PRRC2C: variants seen among roughly 807,000 people sequenced by gnomAD.
The protein encoded by PRRC2C is proline rich coiled-coil 2C.
PRRC2C carries 72 observed loss-of-function variants against 317.2 expected under a neutral mutation model. The ratio of observed to expected loss-of-function variants is 0.23; its 90% CI spans 0.19 to 0.28. The LOEUF is 0.28. PRRC2C is among the 10% of genes least tolerant of loss of function. PRRC2C has a pLI of 1.00. For missense variants in PRRC2C, 3,074 were observed against 3,459.7 expected (o/e 0.89, Z 2.80); for synonymous variants, 1,296 against 1,205.9 (o/e 1.07, Z -1.55).
chr1:171,523,114 G>C (rs1286260911), intron 7 of PRRC2C, 107 bp from the exon 8 acceptor site: 23 of 1,000,648 alleles, frequency 2.3e-5, no homozygotes, highest in Non-Finnish European at 3.0e-5. Context: ...AGGTATCTTG[G>C]TGTAGAAAAC....
chr1:171,528,567 AG>A (rs1008456133), intron 11 of PRRC2C, among the ~76,000 whole-genome samples: 17 of 152,294 alleles, frequency 1.1e-4, no homozygotes, highest in Admixed American at 6.5e-4. Context: ...CTGGGATTAC[AG>A]GCGTGAGCCA....
intron 10 of PRRC2C, among the ~76,000 whole-genome samples, chr1:171,526,125 T>G (rs768652971): frequency 1.3e-5 from 2 of 152,236 alleles, no homozygotes; most frequent in Non-Finnish European, 2.9e-5. Context: ...TTGACTTTTT[T>G]GTGACAGTCA....
chr1:171,515,452 A>G (rs1477378638), intron 4 of PRRC2C, among the ~76,000 whole-genome samples: 3 of 152,240 alleles, frequency 2.0e-5, no homozygotes, highest in Non-Finnish European at 4.4e-5. Context: ...GTAAGGAGTC[A>G]TAATGAAAGA....
At chr1:171,520,135 G>T (rs1299334959) in intron 6 of PRRC2C, among the ~76,000 whole-genome samples, 2 of 152,064 alleles carry the variant, frequency 1.3e-5, no homozygotes, top group Non-Finnish European at 2.9e-5. Context: ...GCTAATTCTT[G>T]TATTTTTAGT....
At position 171,558,062 on chromosome 1, in the gene PRRC2C, C is replaced by G. The variant is rs1311785990; in HGVS notation, c.5950C>G (p.Gln1984Glu). 1.9e-6 allele frequency: 3 copies of G among 1,614,008 alleles called. No individual in the cohort carries two copies. Among genetic ancestry groups the G allele is most frequent in the Non-Finnish European group, 2.5e-6 (3 of 1,179,904 alleles). The change falls in exon 19 of 35, where the codon CAG (glutamine) becomes GAG (glutamate). Residue 1984 changes from glutamine to glutamate, a missense_variant. Physicochemically the swap from Gln to Glu is conservative, Grantham distance 29 (BLOSUM62 2). This residue lies in a region of PRRC2C where 640 missense variants were observed against 676.1 expected (regional missense o/e 0.95). Transcript: ENST00000647382. ...CTCAGGAAAATCCATCCAGACCCCA[C>G]AGTCACATGGCACTCTGACAGCTGA... The part of the protein sequence containing the change: ...VASGKSIQTP[Q>E]SHGTLTAELW...
intron 18 of PRRC2C, 22 bp downstream of exon 18, chr1:171,550,262 G>C: frequency 1.3e-6 from 2 of 1,536,156 alleles, no homozygotes; most frequent in Non-Finnish European, 1.8e-6. Context: ...GTTTCAACTT[G>C]TTGCTAGTTA....
intron 11 of PRRC2C, among the ~76,000 whole-genome samples, chr1:171,528,224 C>A (rs1675030700): frequency 6.6e-6 from 1 of 151,956 alleles, no homozygotes; most frequent in Non-Finnish European, 1.5e-5. Context: ...CTTTACATTA[C>A]TCCATCCCAC....
chr1:171,577,613 G>T lies in PRRC2C; in HGVS notation c.7135G>T (p.Val2379Phe). ...LIAQQQQNPQ[V>F]YVSQSAAAQI... Reference sequence around the variant, plus strand: ...TGCCCAGCAGCAACAGAATCCGCAAGTTTATGTGTCTCAGTCTGCAGCAGG... The same window carrying T: ...TGCCCAGCAGCAACAGAATCCGCAATTTTATGTGTCTCAGTCTGCAGCAGG... The change falls in exon 26 of 35, where the codon GTT becomes TTT. Residue 2379 changes from valine (V) to phenylalanine (F), a missense_variant. Around this residue, in one of 11 missense-constraint regions of PRRC2C, gnomAD observed 490 missense variants for 663.1 expected, o/e 0.74. Transcript: ENST00000647382. 1 of 1,613,442 alleles carries T rather than the reference G, an allele frequency of 6.2e-7. No individual in the cohort carries two copies.
At chr1:171,571,028 A>G (rs1684695004) in intron 23 of PRRC2C, among the ~76,000 whole-genome samples, 1 of 152,190 alleles carries the variant, frequency 6.6e-6, no homozygotes, top group Non-Finnish European at 1.5e-5. Context: ...TGTACATATT[A>G]AAATATGAGA....
At chr1:171,591,310 T>C in intron 34 of PRRC2C, 1 of 866,224 alleles carries the variant, frequency 1.2e-6, no homozygotes, top group East Asian at 4.6e-5. Context: ...GCAAGCAGGT[T>C]CCCTAAATAA....
rs1571768116 is a variant in PRRC2C, at chr1:171,523,347, T to C, written c.960T>C (p.Gly320=). ...FDNLDAEADE[G]WAGAQMEVDY... The stretch of plus-strand genomic sequence containing the variant: ...ACCTAGATGCTGAAGCTGATGAAGG[T>C]TGGGCAGGTAAGAGGCAAAATTAAT... The change falls in exon 8 of 35, where the codon GGT becomes GGC. Residue 320 remains glycine (G), a synonymous_variant. Coordinates refer to ENST00000647382, the MANE Select transcript of PRRC2C (RefSeq NM_001387844.1). 1 of 1,613,986 alleles carries C rather than the reference T, an allele frequency of 6.2e-7. No individual in the cohort carries two copies. Among genetic ancestry groups the C allele is most frequent in the Non-Finnish European group, 8.5e-7 (1 of 1,179,884 alleles).
chr1:171,504,672 T>A lies in PRRC2C; in HGVS notation c.-57-7360T>A, dbSNP rs190737918. Among the ~76,000 whole-genome samples, 10 of 152,304 alleles carry A rather than the reference T, an allele frequency of 6.6e-5. No individual in the cohort carries two copies. The South Asian group carries it at 1.5e-3, about 22-fold the overall frequency. ...CCACACTGTCTTCATTGCTGTGCCT[T>A]AAGTCTTGAAAGCAAGTAGTATTCA... On this transcript the variant is annotated intron_variant, in intron 1 of 34. Coordinates refer to ENST00000647382, the MANE Select transcript of PRRC2C (RefSeq NM_001387844.1).
In PRRC2C at chr1:171,577,540, G is replaced by A. The variant is rs1416178145; in HGVS notation, c.7062G>A (p.Leu2354=). ...VKPQQLQTSS[L]PSASHFSQLS... Reference sequence around the variant, plus strand: ...CTCAGCAGTTACAGACAAGCAGCCTGCCTTCTGCAAGTCATTTTTCACAGT... The same window carrying A: ...CTCAGCAGTTACAGACAAGCAGCCTACCTTCTGCAAGTCATTTTTCACAGT... Residue 2354 remains leucine (L), a synonymous_variant, in exon 26 of 35, where the codon CTG becomes CTA. Transcript: ENST00000647382. 1.2e-6 allele frequency: 2 copies of A among 1,613,484 alleles called. No individual in the cohort carries two copies. The highest frequency in any genetic ancestry group is 1.1e-5 in the South Asian group (1 of 91,070).
intron 14 of PRRC2C, 35 bp from the exon 15 acceptor site, chr1:171,537,228 T>C (rs1677001162): frequency 2.7e-6 from 4 of 1,480,168 alleles, no homozygotes; most frequent in Middle Eastern, 1.7e-4. Context: ...TTTTTCAAAA[T>C]CCTCATTTCA....
chr1:171,557,122 G>C, intron 18 of PRRC2C, 118 bp from the exon 19 acceptor site: 1 of 1,442,056 alleles, frequency 6.9e-7, no homozygotes, highest in Non-Finnish European at 9.1e-7. Context: ...TTTGTGGTTT[G>C]AGTACCTATT....
At chr1:171,496,772 G>GGC (rs1266009886) in intron 1 of PRRC2C, among the ~76,000 whole-genome samples, 1 of 90,640 alleles carries the variant, frequency 1.1e-5, no homozygotes, top group Non-Finnish European at 2.2e-5. Context: ...ATACATTTGG[G>GGC]GCGTGTGTGT....
rs1188485578 is a variant in PRRC2C, at chr1:171,588,360, G to A, written c.8073-19G>A. ...TTACTTGGTATTACTATACTGACTAGTAATGGCTTCTTTCCAAGGGCTACT... is the reference window on the plus strand; with the variant it reads ...TTACTTGGTATTACTATACTGACTAATAATGGCTTCTTTCCAAGGGCTACT... On this transcript the variant is annotated intron_variant, in intron 32 of 34. Transcript: ENST00000647382. The A allele has an allele frequency of 6.2e-7, 1 of 1,612,714 alleles. No homozygotes were observed.
intron 24 of PRRC2C, 30 bp from the exon 25 acceptor site, chr1:171,574,897 T>G: frequency 1.3e-6 from 2 of 1,595,362 alleles, no homozygotes; most frequent in South Asian, 2.2e-5. Flanking sequence ...AACATCATTT[T>G]TTTACTATAA....
chr1:171,535,554 A>G lies in PRRC2C; in HGVS notation c.2000A>G (p.Lys667Arg), dbSNP rs983479636. 3 of 1,613,906 alleles carry G rather than the reference A, an allele frequency of 1.9e-6. No individual in the cohort carries two copies. The highest frequency in any genetic ancestry group is 2.7e-5 in the African/African-American group (2 of 74,934). Residue 667 changes from lysine (K) to arginine (R), a missense_variant, in exon 13 of 35, where the codon AAA (lysine) becomes AGA (arginine). Around this residue, in one of 11 missense-constraint regions of PRRC2C, gnomAD observed 1,320 missense variants for 1,395.7 expected, o/e 0.95. Transcript: ENST00000647382. ...CCGGCTGTATTATCTGGCTATTTCAAACAGTTTCAGAAGTCTTTACCTCCA... is the reference window on the plus strand; with the variant it reads ...CCGGCTGTATTATCTGGCTATTTCAGACAGTTTCAGAAGTCTTTACCTCCA... ...PRPAVLSGYF[K>R]QFQKSLPPRF... is the part of the protein sequence containing the mutation.
Sources: gnomAD v4.1 joint callset for allele counts (sites outside exome capture counted in the v4.1 genomes callset) on GRCh38, gnomAD v4.1.1 for gene constraint, gnomAD v4.1.1 regional missense constraint, MANE v1.5 for transcripts, NCBI Gene and HGNC (gene_info 2026-07-23, HGNC 2026-07-21) for gene names.